Variants in CDKAL1 observed in about 807,000 individuals in gnomAD.
CDKAL1 encodes the protein CDKAL1 threonylcarbamoyladenosine tRNA methylthiotransferase.
CDKAL1 carries 32 observed loss-of-function variants against 68.2 expected under a neutral mutation model. That is an observed-to-expected ratio of 0.47 (90% confidence interval 0.35 to 0.63). CDKAL1 has a LOEUF of 0.63. CDKAL1 is among the 30% of genes least tolerant of loss of function. CDKAL1 has a pLI of 0.00. For missense variants in CDKAL1, 606 were observed against 696.7 expected, an observed-to-expected ratio of 0.87 and a Z score of 1.47; for synonymous variants, 234 against 244.3, an observed-to-expected ratio of 0.96 and a Z score of 0.39.
chr6:20,947,310 G>T (rs972511579), intron 9 of CDKAL1, among the ~76,000 whole-genome samples: 1 of 152,154 alleles, frequency 6.6e-6, no homozygotes, highest in African/African-American at 2.4e-5. Flanking sequence ...GCATTTAAAG[G>T]CCAGGCTCAT....
chr6:20,621,772 G>GTTT lies in CDKAL1; in HGVS notation c.287-27520_287-27519insTTT, dbSNP rs149139013. On this transcript the variant is annotated intron_variant, in intron 4 of 15. Transcript: ENST00000274695. ...CTCCTGTGTCCCTTTGCATACCTCA[G>GTTT]TGTTTTTTTTTTTGACCACTTTTTG... is the stretch of plus-strand genomic sequence containing the variant. Among the ~76,000 whole-genome samples the GTTT allele has an allele frequency of 6.1e-3, 889 of 145,352 alleles. 10 individuals carry two copies. Among genetic ancestry groups the GTTT allele is most frequent in the South Asian group, 0.029 (137 of 4,646 alleles).
chr6:21,229,257 A>ATTCT (rs1387816064), intron 15 of CDKAL1, among the ~76,000 whole-genome samples: 10 of 152,132 alleles, frequency 6.6e-5, no homozygotes, highest in Non-Finnish European at 8.8e-5. Context: ...CCCCATTCCT[A>ATTCT]TTCTTTGTGT....
At chr6:21,212,892 G>A (rs1779208349) in intron 15 of CDKAL1, among the ~76,000 whole-genome samples, 2 of 152,040 alleles carry the variant, frequency 1.3e-5, no homozygotes, top group Admixed American at 1.3e-4. Flanking sequence ...CAGGTATCTA[G>A]GGCAGTTTTC....
chr6:20,947,094 A>G (rs1308933843), intron 9 of CDKAL1, among the ~76,000 whole-genome samples: 1 of 148,616 alleles, frequency 6.7e-6, no homozygotes, highest in East Asian at 1.9e-4. Flanking sequence ...GAAGGAGTCA[A>G]TGAATGAATG....
intron 9 of CDKAL1, among the ~76,000 whole-genome samples, chr6:20,871,707 T>G (rs1218158380): frequency 6.6e-6 from 1 of 152,172 alleles, no homozygotes; most frequent in East Asian, 1.9e-4. Context: ...GTTACCTCTC[T>G]CAGCCCCCTT....
chr6:20,768,156 G>T lies in CDKAL1; in HGVS notation c.517+9513G>T, dbSNP rs547121340. Among the ~76,000 whole-genome samples, 15 of 152,294 alleles carry T rather than the reference G, an allele frequency of 9.8e-5. No individual in the cohort carries two copies. In the East Asian group the frequency reaches 2.9e-3, roughly 29 times the overall value. On this transcript the variant is annotated intron_variant, in intron 7 of 15. Transcript: ENST00000274695. ...GCTGTGTTGGGTGCTGTTGGGTGCT[G>T]CTGTGACAGGTGAGAGTCCTTGATT...
intron 13 of CDKAL1, among the ~76,000 whole-genome samples, chr6:21,190,267 T>C (rs1160325525): frequency 1.3e-5 from 2 of 152,124 alleles, no homozygotes; most frequent in African/African-American, 2.4e-5. Context: ...GCTGCAGAAA[T>C]AGCATGTCAG....
intron 13 of CDKAL1, among the ~76,000 whole-genome samples, chr6:21,137,720 C>CA (rs2151029392): frequency 6.6e-6 from 1 of 152,140 alleles, no homozygotes; most frequent in South Asian, 2.1e-4. Flanking sequence ...GGCAGAAACA[C>CA]AGAGTAACAA....
intron 12 of CDKAL1, among the ~76,000 whole-genome samples, chr6:21,077,399 T>C (rs1772130953): frequency 6.6e-6 from 1 of 152,186 alleles, no homozygotes; most frequent in South Asian, 2.1e-4. Context: ...TCCCGAAACT[T>C]GTGAATATGT....
chr6:20,883,266 G>C (rs1760910122), intron 9 of CDKAL1, among the ~76,000 whole-genome samples: 1 of 152,192 alleles, frequency 6.6e-6, no homozygotes, highest in South Asian at 2.1e-4. Context: ...CTCCATGCTG[G>C]TCACCTTCTC....
intron 5 of CDKAL1, among the ~76,000 whole-genome samples, chr6:20,683,167 T>C (rs2127794367): frequency 6.6e-6 from 1 of 152,268 alleles, no homozygotes; most frequent in East Asian, 1.9e-4. Context: ...TTTATATACT[T>C]TGTCTAGTTT....
At chr6:21,214,870 G>C (rs1779284476) in intron 15 of CDKAL1, among the ~76,000 whole-genome samples, 1 of 129,126 alleles carries the variant, frequency 7.7e-6, no homozygotes, top group Admixed American at 8.8e-5. Flanking sequence ...GTAAACGTCT[G>C]TTGGATGAAT....
intron 8 of CDKAL1, among the ~76,000 whole-genome samples, chr6:20,812,729 T>C (rs1324049716): frequency 2.6e-5 from 4 of 152,218 alleles, no homozygotes; most frequent in African/African-American, 4.8e-5. Context: ...CTGAGTTCTT[T>C]TTATTGCTGA....
At chr6:20,837,034 T>A (rs1270491519) in intron 8 of CDKAL1, among the ~76,000 whole-genome samples, 2 of 152,156 alleles carry the variant, frequency 1.3e-5, no homozygotes, top group Admixed American at 1.3e-4. Context: ...GCAGTTGAAT[T>A]TTACTGAAAT....
At chr6:21,109,972 C>T (rs754339316) in intron 13 of CDKAL1, among the ~76,000 whole-genome samples, 14 of 152,302 alleles carry the variant, frequency 9.2e-5, no homozygotes, top group South Asian at 2.1e-4. Flanking sequence ...CAGCTTCTAC[C>T]GGCTTCCTCC....
chr6:20,843,576 T>C (rs774671866), intron 8 of CDKAL1, among the ~76,000 whole-genome samples: 2 of 152,168 alleles, frequency 1.3e-5, no homozygotes, highest in Non-Finnish European at 2.9e-5. Flanking sequence ...ACGCATAGCT[T>C]GAAGGTAATT....
At chr6:21,074,294 A>T (rs1771950132) in intron 12 of CDKAL1, among the ~76,000 whole-genome samples, 1 of 152,090 alleles carries the variant, frequency 6.6e-6, no homozygotes, top group South Asian at 2.1e-4. Flanking sequence ...TATTGTCACA[A>T]GGTGTCCGTG....
In CDKAL1 at chr6:20,613,249, C is replaced by CTTTTTTTTTTTTTTTTTTTTTTT. The variant is rs71559677; in HGVS notation, c.287-36023_287-36001dup. ...TATCAGTTCATCACAAAATTTCTTTCTTTTTTTTTTTTTTTTTTTTTTTTT... is the reference window on the plus strand; with the variant it reads ...TATCAGTTCATCACAAAATTTCTTTCTTTTTTTTTTTTTTTTTTTTTTTTTTTTTTTTTTTTTTTTTTTTTTTT... On this transcript the variant is annotated intron_variant, in intron 4 of 15. Transcript: ENST00000274695. Among the ~76,000 whole-genome samples, 6 of 77,864 alleles carry CTTTTTTTTTTTTTTTTTTTTTTT rather than the reference C, an allele frequency of 7.7e-5. 1 individual carries two copies. The highest frequency in any genetic ancestry group is 4.2e-4 in the South Asian group (1 of 2,390). 51.1% of individuals were successfully genotyped at this position (77,864 alleles called of 152,430 possible).
chr6:20,651,027 G>T (rs1319704317), intron 5 of CDKAL1, among the ~76,000 whole-genome samples: 1 of 151,948 alleles, frequency 6.6e-6, no homozygotes, highest in African/African-American at 2.4e-5. Context: ...GGATTGTCTT[G>T]GCTATATGGG....
Sources: allele counts gnomAD v4.1 joint callset (sites outside exome capture counted in the v4.1 genomes callset), GRCh38; gene constraint gnomAD v4.1.1; transcripts MANE v1.5; gene names NCBI Gene and HGNC (gene_info 2026-07-23, HGNC 2026-07-21).